PTPRD: variants seen among roughly 807,000 people sequenced by gnomAD.
PTPRD encodes receptor-type tyrosine-protein phosphatase delta.
In PTPRD, 34 loss-of-function variants were observed where a neutral mutation model predicts 214.5. That is an observed-to-expected ratio of 0.16 (90% confidence interval 0.12 to 0.21). The LOEUF (loss-of-function observed/expected upper bound fraction) is 0.21, where lower values mean the gene tolerates loss of function less well. PTPRD is among the 10% of genes least tolerant of loss of function. The probability of loss-of-function intolerance (pLI) is 1.00; values close to 1 mark genes in which losing one functional copy is unlikely to be tolerated. For missense variants in PTPRD, 2,545 were observed against 2,398.7 expected (o/e 1.06, Z -1.27); for synonymous variants, 1,128 against 845.7 (o/e 1.33, Z -5.79).
intron 9 of PTPRD, among the ~76,000 whole-genome samples, chr9:9,293,443 C>A (rs541859718): frequency 6.7e-6 from 1 of 149,812 alleles, no homozygotes; most frequent in South Asian, 2.1e-4. Context: ...ACACTACAAG[C>A]TGTCCCAGGC....
chr9:10,599,875 A>T (rs1391953079), intron 2 of PTPRD, among the ~76,000 whole-genome samples: 1 of 151,826 alleles, frequency 6.6e-6, no homozygotes, highest in Non-Finnish European at 1.5e-5. Context: ...TCTCCCCAAC[A>T]GATCAGCATC....
intron 3 of PTPRD, among the ~76,000 whole-genome samples, chr9:10,169,642 A>G (rs143284319): frequency 0.017 from 2,595 of 152,254 alleles, 31 homozygotes; most frequent in Non-Finnish European, 0.027. Flanking sequence ...AATCCAAAGG[A>G]AATTCTAATC....
intron 3 of PTPRD, among the ~76,000 whole-genome samples, chr9:10,153,997 C>G (rs914322861): frequency 6.6e-6 from 1 of 151,984 alleles, no homozygotes; most frequent in African/African-American, 2.4e-5. Context: ...TGAGGGTATA[C>G]CCAGTAAAGG....
At chr9:10,239,107 T>C (rs1028534557) in intron 3 of PTPRD, among the ~76,000 whole-genome samples, 1 of 151,972 alleles carries the variant, frequency 6.6e-6, no homozygotes, top group East Asian at 1.9e-4. Flanking sequence ...AGGATTCTGA[T>C]ACATTTTAAG....
At chr9:9,799,366 C>T (rs1427293718) in intron 5 of PTPRD, 1 of 152,128 alleles carries the variant, frequency 6.6e-6, no homozygotes, top group Non-Finnish European at 1.5e-5. Flanking sequence ...TGAAAGTCTT[C>T]AGAGTTCAGA....
At chr9:8,799,460 A>G (rs955542429) in intron 11 of PTPRD, among the ~76,000 whole-genome samples, 1 of 152,234 alleles carries the variant, frequency 6.6e-6, no homozygotes, top group Non-Finnish European at 1.5e-5. Context: ...CACTAAATAC[A>G]TCAGCCTAAT....
chr9:10,272,529 T>A (rs2094477421), intron 3 of PTPRD, among the ~76,000 whole-genome samples: 1 of 152,242 alleles, frequency 6.6e-6, no homozygotes. Flanking sequence ...AGTTCTTGTA[T>A]CCTATTTTCT....
At chr9:9,819,352 CA>C (rs2049916289) in intron 5 of PTPRD, among the ~76,000 whole-genome samples, 1 of 152,064 alleles carries the variant, frequency 6.6e-6, no homozygotes, top group South Asian at 2.1e-4. Context: ...GATGAAGCCC[CA>C]AATGAACTTT....
chr9:10,279,031 C>A (rs1162252019), intron 3 of PTPRD, among the ~76,000 whole-genome samples: 1 of 152,144 alleles, frequency 6.6e-6, no homozygotes, highest in African/African-American at 2.4e-5. Flanking sequence ...GCCTTGGCCT[C>A]CCAAAGTGCT....
intron 7 of PTPRD, among the ~76,000 whole-genome samples, chr9:9,659,433 C>T (rs985600335): frequency 6.6e-6 from 1 of 151,918 alleles, no homozygotes; most frequent in African/African-American, 2.4e-5. Flanking sequence ...ACCTTTGTTG[C>T]TTATTATACT....
chr9:9,138,868 G>T (rs1248611043), intron 10 of PTPRD, among the ~76,000 whole-genome samples: 1 of 151,818 alleles, frequency 6.6e-6, no homozygotes, highest in East Asian at 1.9e-4. Context: ...TACCATTCTA[G>T]GCTAAAATTA....
At chr9:8,811,908 G>T (rs555093586) in intron 11 of PTPRD, among the ~76,000 whole-genome samples, 2 of 152,244 alleles carry the variant, frequency 1.3e-5, no homozygotes, top group Admixed American at 6.5e-5. Context: ...CATCCACTTG[G>T]GTGGGGACTT....
At chr9:8,962,714 G>A (rs564375968) in intron 11 of PTPRD, 2 of 152,164 alleles carry the variant, frequency 1.3e-5, no homozygotes, top group South Asian at 2.1e-4. Context: ...GTCAAGGAGG[G>A]CTGAAGAGAA....
intron 11 of PTPRD, among the ~76,000 whole-genome samples, chr9:8,878,808 A>G (rs1447342834): frequency 1.3e-5 from 2 of 152,218 alleles, no homozygotes; most frequent in Non-Finnish European, 2.9e-5. Context: ...GGAAGGGATT[A>G]CAGCATAAGT....
intron 2 of PTPRD, among the ~76,000 whole-genome samples, chr9:10,441,901 T>G (rs910826953): frequency 6.6e-6 from 1 of 151,626 alleles, no homozygotes; most frequent in Non-Finnish European, 1.5e-5. Context: ...ATTACAATCA[T>G]TGGCTATCAG....
At chr9:9,302,146 T>A (rs1449577844) in intron 9 of PTPRD, among the ~76,000 whole-genome samples, 1 of 151,978 alleles carries the variant, frequency 6.6e-6, no homozygotes, top group Non-Finnish European at 1.5e-5. Context: ...TCAGAAGTCA[T>A]CAAGTTGAGA....
chr9:10,611,892 C>A (rs946424951), intron 2 of PTPRD, among the ~76,000 whole-genome samples: 2 of 143,362 alleles, frequency 1.4e-5, no homozygotes. Flanking sequence ...TCCTTATTAA[C>A]TTTCCCTTTT....
intron 8 of PTPRD, among the ~76,000 whole-genome samples, chr9:9,452,754 C>G (rs1489520199): frequency 6.6e-6 from 1 of 151,268 alleles, no homozygotes; most frequent in Non-Finnish European, 1.5e-5. Flanking sequence ...ATGAAGTTCA[C>G]ATATCCCTAA....
intron 7 of PTPRD, among the ~76,000 whole-genome samples, chr9:9,730,033 G>C (rs570999278): frequency 1.3e-5 from 2 of 152,050 alleles, no homozygotes; most frequent in African/African-American, 4.8e-5. Context: ...CTTGAAAACA[G>C]TAACATCATT....
Sources: allele counts gnomAD v4.1 joint callset (sites outside exome capture counted in the v4.1 genomes callset), GRCh38; gene constraint gnomAD v4.1.1; transcripts MANE v1.5; gene names NCBI Gene and HGNC (gene_info 2026-07-23, HGNC 2026-07-21).